Variants in TTC8 observed in about 807,000 individuals in gnomAD.
TTC8 encodes tetratricopeptide repeat domain 8.
In TTC8, 47 loss-of-function variants were observed where a neutral mutation model predicts 72.5. The observed-to-expected ratio is 0.65, with a 90% confidence interval of 0.51 to 0.83. The LOEUF is 0.83. Ranked by LOEUF, TTC8 falls within the 40% of genes least tolerant of loss-of-function variation. The probability of loss-of-function intolerance (pLI) is 0.00; values close to 1 mark genes in which losing one functional copy is unlikely to be tolerated. For synonymous variants in TTC8, 199 were observed against 221.4 expected (o/e 0.90, Z 0.90); for missense variants, 611 against 623.2 (o/e 0.98, Z 0.21).
In TTC8 at chr14:88,857,452, C is replaced by G. The variant is rs1376360025; in HGVS notation, c.798+175C>G. Among the ~76,000 whole-genome samples, 4 of 152,116 alleles carry G rather than the reference C, an allele frequency of 2.6e-5. No individual in the cohort carries two copies. The East Asian group carries it at 5.8e-4, about 22-fold the overall frequency. On this transcript the variant is annotated intron_variant, in intron 9 of 14. Transcript: ENST00000380656. ...AAAAATGAGAACGTATAGAGGGTAACTGTCTCATAAGAAATTGATTGCCAT... is the reference window on the plus strand; with the variant it reads ...AAAAATGAGAACGTATAGAGGGTAAGTGTCTCATAAGAAATTGATTGCCAT...
chr14:88,833,977 A>G, intron 2 of TTC8: 1 of 518,560 alleles, frequency 1.9e-6, no homozygotes. Flanking sequence ...GAAATGACCA[A>G]GATGGATTAG....
intron 6 of TTC8, among the ~76,000 whole-genome samples, chr14:88,842,898 T>C (rs75969741): frequency 0.023 from 3,438 of 152,246 alleles, 145 homozygotes; most frequent in African/African-American, 0.078. Flanking sequence ...CCAATTGCAC[T>C]CTTAACTTTT....
At chr14:88,853,301 T>C (rs114677197) in intron 8 of TTC8, among the ~76,000 whole-genome samples, 99 of 152,268 alleles carry the variant, frequency 6.5e-4, no homozygotes, top group African/African-American at 2.2e-3. Flanking sequence ...CCTTTTCACA[T>C]GAGGAAGCTG....
intron 10 of TTC8, among the ~76,000 whole-genome samples, chr14:88,864,973 T>C (rs1388326228): frequency 6.6e-6 from 1 of 152,226 alleles, no homozygotes; most frequent in Non-Finnish European, 1.5e-5. Flanking sequence ...TTCTTTTTTT[T>C]ATCTTTCATT....
chr14:88,880,024 A>G (rs898921675), downstream of TTC8: 2 of 152,122 alleles, frequency 1.3e-5, no homozygotes, highest in Non-Finnish European at 2.9e-5. Context: ...ACAATGAGGG[A>G]TTTCTGTCAG....
chr14:88,850,839 A>G (rs762661043), intron 7 of TTC8, among the ~76,000 whole-genome samples: 40 of 152,248 alleles, frequency 2.6e-4, no homozygotes, highest in Non-Finnish European at 5.1e-4. Flanking sequence ...AGGTCCTGAG[A>G]AAGTGTGCCC....
At chr14:88,866,917 GGC>G (rs1220305534) in intron 10 of TTC8, among the ~76,000 whole-genome samples, 1 of 152,054 alleles carries the variant, frequency 6.6e-6, no homozygotes, top group African/African-American at 2.4e-5. Context: ...AATATGAATT[GGC>G]AGTTCACTGA....
chr14:88,855,236 A>G (rs2094850639), intron 8 of TTC8, among the ~76,000 whole-genome samples: 1 of 152,074 alleles, frequency 6.6e-6, no homozygotes, highest in Non-Finnish European at 1.5e-5. Context: ...GTTTTGTTTC[A>G]TTCTTTGATT....
chr14:88,870,711 A>G (rs912862965), intron 11 of TTC8, among the ~76,000 whole-genome samples: 19 of 152,190 alleles, frequency 1.2e-4, no homozygotes, highest in African/African-American at 4.6e-4. Flanking sequence ...TACTTATTTC[A>G]TCCTACATAT....
chr14:88,843,974 T>A, intron 7 of TTC8, 124 bp downstream of exon 7: 1 of 724,042 alleles, frequency 1.4e-6, no homozygotes, highest in Non-Finnish European at 2.3e-6. Context: ...GGAGAACTAC[T>A]AATACTTTAA....
chr14:88,869,122 C>G (rs949514661), intron 10 of TTC8, among the ~76,000 whole-genome samples: 2 of 152,056 alleles, frequency 1.3e-5, no homozygotes, highest in Non-Finnish European at 2.9e-5. Context: ...ATAATAAACA[C>G]CATGTAAGTT....
At chr14:88,859,906 A>ATTATATATTATAT (rs1491209698) in intron 9 of TTC8, among the ~76,000 whole-genome samples, 27 of 72,750 alleles carry the variant, frequency 3.7e-4, no homozygotes, top group African/African-American at 1.1e-3. Flanking sequence ...AATATAATAT[A>ATTATATATTATAT]AATATAATAA....
At chr14:88,869,526 G>A (rs559599915) in intron 10 of TTC8, among the ~76,000 whole-genome samples, 13 of 151,598 alleles carry the variant, frequency 8.6e-5, no homozygotes, top group Non-Finnish European at 1.5e-4. Context: ...AGTTCTCACC[G>A]TGGCTTACAA....
At position 88,861,288 on chromosome 14, in the gene TTC8, C is replaced by T. The variant is rs2141016153; in HGVS notation, c.865C>T (p.Pro289Ser). ...TTTCAAACAAGGCTTAGATAAGTTT[C>T]CAGGAGAAGTAACCCTGCTCTGTGG... is the stretch of plus-strand genomic sequence containing the variant. ...NLFKQGLDKFPGEVTLLCGIA... is the reference protein window; with the variant it reads ...NLFKQGLDKFSGEVTLLCGIA... The change falls in exon 10 of 15, where the codon CCA becomes TCA. Residue 289 changes from proline (P) to serine (S), a missense_variant. Physicochemically the swap from Pro to Ser is moderately conservative, Grantham distance 74. Transcript: ENST00000380656. 6.2e-7 allele frequency: 1 copy of T among 1,612,824 alleles called. No homozygotes were observed. The highest frequency in any genetic ancestry group is 8.5e-7 in the Non-Finnish European group (1 of 1,179,370).
intron 14 of TTC8, 117 bp downstream of exon 14, chr14:88,875,226 T>C (rs1160238339): frequency 1.2e-6 from 1 of 847,316 alleles, no homozygotes; most frequent in East Asian, 2.7e-5. Context: ...AAATGACTTT[T>C]TAAAACTCTT....
intron 10 of TTC8, among the ~76,000 whole-genome samples, chr14:88,866,891 A>G (rs1595981582): frequency 6.6e-6 from 1 of 152,194 alleles, no homozygotes; most frequent in African/African-American, 2.4e-5. Flanking sequence ...AGGATAGGAT[A>G]GAAGAACAGA....
At chr14:88,861,546 A>AC (rs1239670100) in intron 10 of TTC8, among the ~76,000 whole-genome samples, 1 of 152,200 alleles carries the variant, frequency 6.6e-6, no homozygotes, top group African/African-American at 2.4e-5. Context: ...ATTATTGTTA[A>AC]CCATAATTTC....
intron 9 of TTC8, 119 bp downstream of exon 9, chr14:88,857,396 G>A: frequency 1.1e-6 from 1 of 884,696 alleles, no homozygotes; most frequent in South Asian, 1.4e-5. Flanking sequence ...ACTATGTTTA[G>A]ATTTAACTTG....
intron 10 of TTC8, among the ~76,000 whole-genome samples, chr14:88,864,740 T>C (rs893089444): frequency 1.3e-5 from 2 of 152,194 alleles, no homozygotes; most frequent in African/African-American, 2.4e-5. Context: ...AGTATTTCTG[T>C]CTTTTGCCTT....
Sources: allele counts gnomAD v4.1 joint callset (sites outside exome capture counted in the v4.1 genomes callset), GRCh38; gene constraint gnomAD v4.1.1; transcripts MANE v1.5; gene names NCBI Gene and HGNC (gene_info 2026-07-23, HGNC 2026-07-21).